The following PBX3 variants were observed in gnomAD, a reference collection of about 807,000 sequenced individuals.
The protein encoded by PBX3 is PBX homeobox 3.
PBX3 carries 14 observed loss-of-function variants against 48.5 expected under a neutral mutation model. That is an observed-to-expected ratio of 0.29 (90% CI 0.19 to 0.45). PBX3 has a LOEUF of 0.45. Among genes scored for constraint, PBX3 ranks in the 20% least tolerant of loss-of-function variants. The probability of loss-of-function intolerance (pLI) is 1.00; values close to 1 mark genes in which losing one functional copy is unlikely to be tolerated. For synonymous variants in PBX3, 210 were observed against 200.3 expected (o/e 1.05, Z -0.41); for missense variants, 386 against 546.7 (o/e 0.71, Z 2.93).
At chr9:125,943,775 T>C (rs1842012084) in intron 5 of PBX3, among the ~76,000 whole-genome samples, 1 of 152,108 alleles carries the variant, frequency 6.6e-6, no homozygotes, top group African/African-American at 2.4e-5. Context: ...GGGCAGAGTG[T>C]AGGGAAACCA....
intron 2 of PBX3, among the ~76,000 whole-genome samples, chr9:125,874,098 G>A (rs982409793): frequency 2.0e-5 from 3 of 152,128 alleles, no homozygotes; most frequent in Non-Finnish European, 4.4e-5. Flanking sequence ...GACATCTTAG[G>A]TGAAATGAAA....
At chr9:125,943,306 G>A (rs1841997074) in intron 5 of PBX3, among the ~76,000 whole-genome samples, 1 of 138,364 alleles carries the variant, frequency 7.2e-6, no homozygotes, top group African/African-American at 2.7e-5. Context: ...AGTGAGCCAA[G>A]ATCATGCCAT....
At chr9:125,921,366 T>C (rs10122761) in intron 3 of PBX3, among the ~76,000 whole-genome samples, 10,258 of 152,208 alleles carry the variant, frequency 0.067, 1,079 homozygotes, top group African/African-American at 0.23. Flanking sequence ...TTTGTACTTA[T>C]TCAGGCAATG....
chr9:125,847,424 A>G (rs1253836190), intron 2 of PBX3, among the ~76,000 whole-genome samples: 1 of 152,010 alleles, frequency 6.6e-6, no homozygotes, highest in East Asian at 1.9e-4. Context: ...ATAGAATTCT[A>G]CATAATTATT....
At chr9:125,807,088 T>C (rs1838146390) in intron 2 of PBX3, among the ~76,000 whole-genome samples, 1 of 152,216 alleles carries the variant, frequency 6.6e-6, no homozygotes, top group Non-Finnish European at 1.5e-5. Context: ...TTTGGGAGGC[T>C]GAGGCGATGA....
intron 8 of PBX3, 144 bp from the exon 9 acceptor site, chr9:125,965,687 T>C (rs912451742): frequency 3.0e-6 from 2 of 662,468 alleles, no homozygotes; most frequent in African/African-American, 1.8e-5. Flanking sequence ...CTTTAACACA[T>C]GCTGCCAACT....
chr9:125,782,718 G>C (rs557444967), intron 2 of PBX3, among the ~76,000 whole-genome samples: 1 of 152,218 alleles, frequency 6.6e-6, no homozygotes, highest in Admixed American at 6.5e-5. Flanking sequence ...ACCCTTTTTA[G>C]CATTTCTTGT....
intron 2 of PBX3, among the ~76,000 whole-genome samples, chr9:125,867,027 T>A (rs1839998374): frequency 6.6e-6 from 1 of 152,212 alleles, no homozygotes; most frequent in Non-Finnish European, 1.5e-5. Flanking sequence ...ATGGCAAATC[T>A]AGGGTCTTGT....
At position 125,835,051 on chromosome 9, in the gene PBX3, A is replaced by AAAG. The variant is rs1564681272; in HGVS notation, c.275-80635_275-80634insAAG. 4.0e-4 allele frequency among the ~76,000 whole-genome samples: 43 copies of AAAG among 108,056 alleles called. 4 individuals are homozygous for AAAG. The highest frequency in any genetic ancestry group is 1.5e-3 in the African/African-American group (39 of 26,362). The allele number at this position is 108,056 out of a possible 152,430, so 70.9% of individuals were successfully genotyped here. Reference sequence around the variant, plus strand: ...AAAAAAAAAAAAAAAAAAAAAAAAAAGGGCAAAAGATATGAAAAGACAAGT... The same window carrying AAAG: ...AAAAAAAAAAAAAAAAAAAAAAAAAAAAGGGGCAAAAGATATGAAAAGACAAGT... On this transcript the variant is annotated intron_variant, in intron 2 of 8. Coordinates refer to ENST00000373489, the MANE Select transcript of PBX3 (RefSeq NM_006195.6).
chr9:125,793,660 C>T (rs1351738927), intron 2 of PBX3, among the ~76,000 whole-genome samples: 1 of 151,796 alleles, frequency 6.6e-6, no homozygotes, highest in East Asian at 1.9e-4. Flanking sequence ...GAATTCCTGA[C>T]CTCAGGTAAT....
At chr9:125,919,005 G>T (rs1841395436) in intron 3 of PBX3, among the ~76,000 whole-genome samples, 1 of 152,186 alleles carries the variant, frequency 6.6e-6, no homozygotes, top group Admixed American at 6.5e-5. Flanking sequence ...GACTCAGAGA[G>T]GGTAAGTGAT....
chr9:125,953,775 T>C (rs906540817), intron 5 of PBX3, among the ~76,000 whole-genome samples: 1 of 92,136 alleles, frequency 1.1e-5, no homozygotes, highest in African/African-American at 2.6e-5. Context: ...AAAAAAAGTC[T>C]TTACGCATAC....
At chr9:125,922,257 T>A (rs1246301283) in intron 3 of PBX3, among the ~76,000 whole-genome samples, 1 of 152,066 alleles carries the variant, frequency 6.6e-6, no homozygotes, top group Non-Finnish European at 1.5e-5. Context: ...AAGGAAAAAA[T>A]GGGAAAGACA....
At position 125,936,959 on chromosome 9, in the gene PBX3, A is replaced by C. The variant is rs937056977; in HGVS notation, c.843+1352A>C. Reference sequence around the variant, plus strand: ...TCGTTTCAAGTAGGATTTTATGACGAATGCCTTTTCCCTGAACATTAGTGA... The same window carrying C: ...TCGTTTCAAGTAGGATTTTATGACGCATGCCTTTTCCCTGAACATTAGTGA... On this transcript the variant is annotated intron_variant, in intron 5 of 8. Transcript: ENST00000373489. 1.6e-4 allele frequency among the ~76,000 whole-genome samples: 24 copies of C among 152,204 alleles called. 1 individual carries two copies. The highest frequency in any genetic ancestry group is 7.3e-5 in the Non-Finnish European group (5 of 68,030).
At position 125,924,565 on chromosome 9, in the gene PBX3, C is replaced by T. The variant is rs372911288; in HGVS notation, c.517-5090C>T. Among the ~76,000 whole-genome samples the T allele has an allele frequency of 1.8e-3, 279 of 152,286 alleles. 2 individuals are homozygous for T. The highest frequency in any genetic ancestry group is 6.2e-3 in the African/African-American group (258 of 41,570). On this transcript the variant is annotated intron_variant, in intron 3 of 8. Coordinates refer to ENST00000373489, the MANE Select transcript of PBX3 (RefSeq NM_006195.6). ...ACTCTGTTTATTTAAGATCACTGGTCTGGTTTTCACTTTGAATGGCTCTTG... is the reference window on the plus strand; with the variant it reads ...ACTCTGTTTATTTAAGATCACTGGTTTGGTTTTCACTTTGAATGGCTCTTG...
At chr9:125,802,495 A>C (rs1837988227) in intron 2 of PBX3, among the ~76,000 whole-genome samples, 1 of 150,216 alleles carries the variant, frequency 6.7e-6, no homozygotes, top group Non-Finnish European at 1.5e-5. Flanking sequence ...CAGCCTCCCA[A>C]GTAGCTGAGA....
chr9:125,866,919 T>G (rs2132306629), intron 2 of PBX3, among the ~76,000 whole-genome samples: 1 of 152,304 alleles, frequency 6.6e-6, no homozygotes, highest in Non-Finnish European at 1.5e-5. Context: ...TCTTACTTGC[T>G]TTTTTCACCC....
chr9:125,828,598 A>G (rs1327480519), intron 2 of PBX3, among the ~76,000 whole-genome samples: 2 of 152,200 alleles, frequency 1.3e-5, no homozygotes, highest in African/African-American at 2.4e-5. Context: ...TTTTTAAACT[A>G]CTTTCTACCC....
chr9:125,803,531 G>T (rs1204143142), intron 2 of PBX3, among the ~76,000 whole-genome samples: 1 of 149,184 alleles, frequency 6.7e-6, no homozygotes, highest in Non-Finnish European at 1.5e-5. Flanking sequence ...TCTTTGTCAT[G>T]ACCTTGGCAT....
Sources: allele counts gnomAD v4.1 joint callset (sites outside exome capture counted in the v4.1 genomes callset), GRCh38; gene constraint gnomAD v4.1.1; transcripts MANE v1.5; gene names NCBI Gene and HGNC (gene_info 2026-07-23, HGNC 2026-07-21).